EFCAB12: variants seen among roughly 807,000 people sequenced by gnomAD.
EFCAB12 encodes the protein EF-hand calcium binding domain 12.
In EFCAB12, 43 loss-of-function variants were observed where a neutral mutation model predicts 53.6. The observed-to-expected ratio is 0.80, with a 90% CI of 0.63 to 1.03. EFCAB12 has a LOEUF of 1.03. Ranked by LOEUF, EFCAB12 falls within the 50% of genes least tolerant of loss-of-function variation. The pLI is 0.00. For synonymous variants in EFCAB12, 269 were observed against 289.2 expected (o/e 0.93, Z 0.71); for missense variants, 646 against 730.6 (o/e 0.88, Z 1.34).
At chr3:129,425,428 A>C (rs892505401) in intron 1 of EFCAB12, among the ~76,000 whole-genome samples, 1 of 150,676 alleles carries the variant, frequency 6.6e-6, no homozygotes, top group African/African-American at 2.5e-5. Flanking sequence ...ATGTGGTCCC[A>C]GCTGCTGTCC....
chr3:129,405,022 C>G (rs948609413), intron 6 of EFCAB12, among the ~76,000 whole-genome samples: 1 of 152,120 alleles, frequency 6.6e-6, no homozygotes, highest in Non-Finnish European at 1.5e-5. Context: ...TTATGATACC[C>G]AGGCTGGTCT....
At chr3:129,428,299 G>A in intron 1 of EFCAB12, 141 bp downstream of exon 1, 1 of 1,167,884 alleles carries the variant, frequency 8.6e-7, no homozygotes, top group Non-Finnish European at 1.2e-6. Flanking sequence ...AAATGTACAT[G>A]ACCTGCCCCC....
chr3:129,423,921 T>C (rs1317946872), intron 1 of EFCAB12, among the ~76,000 whole-genome samples: 1 of 152,116 alleles, frequency 6.6e-6, no homozygotes, highest in East Asian at 1.9e-4. Flanking sequence ...TCTCCCTCCC[T>C]GCTTCACTTC....
chr3:129,413,591 A>C (rs2072074817), intron 4 of EFCAB12: 1 of 152,248 alleles, frequency 6.6e-6, no homozygotes, highest in Non-Finnish European at 1.5e-5. Context: ...ACAAAGAGAC[A>C]GAGAAGCAGT....
chr3:129,410,010 A>AT (rs11435466), intron 5 of EFCAB12, among the ~76,000 whole-genome samples: 9,239 of 151,262 alleles, frequency 0.061, 885 homozygotes, highest in East Asian at 0.43. Context: ...GTGTTTATTT[A>AT]TTTATTTTTT....
intron 3 of EFCAB12, among the ~76,000 whole-genome samples, chr3:129,416,711 G>A (rs780691703): frequency 7.2e-5 from 11 of 152,174 alleles, no homozygotes; most frequent in African/African-American, 2.7e-4. Context: ...GTGTAGTGGT[G>A]TGATCATAGC....
chr3:129,428,122 T>C lies in EFCAB12; in HGVS notation c.49+318A>G, dbSNP rs550131805. On this transcript the variant is annotated intron_variant, in intron 1 of 8. Transcript: ENST00000505956. ...CTGCATTGCTTTGCCAAGAACTTGG[T>C]CCCCAGCACATTACTGCCAAAACCT... is the stretch of plus-strand genomic sequence containing the variant. 8.7e-4 allele frequency among the ~76,000 whole-genome samples: 133 copies of C among 152,272 alleles called. 3 individuals are homozygous for C. The South Asian group carries it at 0.027, about 31-fold the overall frequency.
intron 1 of EFCAB12, among the ~76,000 whole-genome samples, chr3:129,426,655 C>T (rs539933774): frequency 4.6e-5 from 7 of 151,252 alleles, no homozygotes; most frequent in East Asian, 2.0e-4. Flanking sequence ...TGAGCCACGG[C>T]GCCCGGCCGG....
intron 1 of EFCAB12, among the ~76,000 whole-genome samples, chr3:129,425,717 T>C (rs908543179): frequency 1.3e-5 from 2 of 152,142 alleles, no homozygotes; most frequent in African/African-American, 4.8e-5. Context: ...TGTCATTGTG[T>C]AGTTATGGGT....
In EFCAB12 at chr3:129,428,492, C is replaced by T. The variant is rs756644341; in HGVS notation, c.-4G>A. 6.2e-7 allele frequency: 1 copy of T among 1,611,252 alleles called. No homozygotes were observed. Among genetic ancestry groups the T allele is most frequent in the Non-Finnish European group, 8.5e-7 (1 of 1,178,738 alleles). On this transcript the variant is annotated 5_prime_UTR_variant, in exon 1 of 9. Coordinates refer to ENST00000505956, the MANE Select transcript of EFCAB12 (RefSeq NM_207307.3). ...ACGCTTCATAGTCGTCGTCCATGGT[C>T]GTGGTGCTGGGAGGGGGTGCTGAAG...
At chr3:129,413,895 C>T (rs760732191) in intron 4 of EFCAB12, 1 of 152,194 alleles carries the variant, frequency 6.6e-6, no homozygotes, top group Non-Finnish European at 1.5e-5. Flanking sequence ...TGTTTACTTA[C>T]TGGGAAATAA....
Position 129,421,611 on chromosome 3 carries a change from G to T in EFCAB12, c.242C>A (p.Pro81Gln). 3 of 1,613,998 alleles carry T rather than the reference G, an allele frequency of 1.9e-6. 1 individual carries two copies. In the South Asian group the frequency reaches 3.3e-5, roughly 18 times the overall value. ...AACTTTGAAGCTGGGGATGGGCTTT[G>T]GGGGAGCCTGAGGTTGGGATGCAGG... Reference protein sequence around the residue: ...LNPASQPQAPPKPIPSFKVLE... With the variant: ...LNPASQPQAPQKPIPSFKVLE... Residue 81 changes from proline (P) to glutamine (Q), a missense_variant, in exon 2 of 9, where the codon CCA (proline) becomes CAA (glutamine). Pro to Gln is a moderately conservative substitution (Grantham distance 76). Transcript: ENST00000505956.
chr3:129,421,128 C>A (rs984940906), intron 2 of EFCAB12, among the ~76,000 whole-genome samples: 1 of 152,356 alleles, frequency 6.6e-6, no homozygotes, highest in Non-Finnish European at 1.5e-5. Context: ...AAGCTACTCC[C>A]TGATTTCTGA....
rs192686112 is a variant in EFCAB12 at position 129,420,423 on chromosome 3, A to G, written c.486+944T>C. Among the ~76,000 whole-genome samples, 301 of 152,322 alleles carry G rather than the reference A, an allele frequency of 2.0e-3. 1 individual carries two copies. Among genetic ancestry groups the G allele is most frequent in the African/African-American group, 6.3e-3 (263 of 41,582 alleles). On this transcript the variant is annotated intron_variant, in intron 2 of 8. Coordinates refer to ENST00000505956, the MANE Select transcript of EFCAB12 (RefSeq NM_207307.3). ...CCCAACTTATCTGTCTTCTTATCCC[A>G]AGGAAATGTCACAGAGAGAGAATGA... is the stretch of plus-strand genomic sequence containing the variant.
intron 2 of EFCAB12, among the ~76,000 whole-genome samples, chr3:129,421,108 C>T (rs748769100): frequency 3.2e-4 from 49 of 152,258 alleles, no homozygotes; most frequent in Admixed American, 1.0e-3. Context: ...TGAGCCAGAG[C>T]GACCCAGCAA....
intron 3 of EFCAB12, among the ~76,000 whole-genome samples, chr3:129,415,816 CCCT>C (rs1264991081): frequency 2.6e-5 from 4 of 152,182 alleles, no homozygotes; most frequent in African/African-American, 9.7e-5. Context: ...ACATAAATCT[CCCT>C]TAATTCCTGG....
intron 2 of EFCAB12, among the ~76,000 whole-genome samples, chr3:129,418,962 G>C (rs920426498): frequency 6.6e-6 from 1 of 152,200 alleles, no homozygotes; most frequent in South Asian, 2.1e-4. Context: ...GCACTGGGCA[G>C]TTTACAAAGG....
intron 5 of EFCAB12, among the ~76,000 whole-genome samples, chr3:129,409,881 C>T (rs1452290839): frequency 2.6e-5 from 4 of 152,106 alleles, no homozygotes; most frequent in Admixed American, 6.5e-5. Flanking sequence ...TCTTGTCATG[C>T]AACTGAATCA....
Position 129,428,386 on chromosome 3 carries a change from A to C in EFCAB12, c.49+54T>G, listed in dbSNP as rs573382179. 6 of 1,565,704 alleles carry C rather than the reference A, an allele frequency of 3.8e-6. No homozygotes were observed. In the Admixed American group the frequency reaches 5.7e-5, roughly 15 times the overall value. ...GAGTTTTTGCCCTCACCCCACTTTC[A>C]CGCGTCCTTAGGGCGCTGAGCGCTC... On this transcript the variant is annotated intron_variant, in intron 1 of 8. Transcript: ENST00000505956.
Sources: gnomAD v4.1 joint callset for allele counts (sites outside exome capture counted in the v4.1 genomes callset) on GRCh38, gnomAD v4.1.1 for gene constraint, MANE v1.5 for transcripts, NCBI Gene and HGNC (gene_info 2026-07-23, HGNC 2026-07-21) for gene names.